SHE: variants seen among roughly 807,000 people sequenced by gnomAD.
The protein encoded by SHE is Src homology 2 domain containing E, also known as SH2 domain-containing adapter protein E.
SHE carries 11 observed loss-of-function variants against 49.8 expected under a neutral mutation model. The observed-to-expected ratio is 0.22, with a 90% CI of 0.14 to 0.37. The LOEUF (loss-of-function observed/expected upper bound fraction) is 0.37. Among genes scored for constraint, SHE ranks in the 10% least tolerant of loss-of-function variants. The probability of loss-of-function intolerance (pLI) is 1.00; values close to 1 mark genes in which losing one functional copy is unlikely to be tolerated. For missense variants in SHE, 624 were observed against 655.5 expected (o/e 0.95, Z 0.52); for synonymous variants, 310 against 278.1 (o/e 1.11, Z -1.14).
intron 1 of SHE, among the ~76,000 whole-genome samples, chr1:154,500,236 C>T (rs1692663727): frequency 6.6e-6 from 1 of 152,178 alleles, no homozygotes; most frequent in East Asian, 1.9e-4. Context: ...TTCTTGACTA[C>T]CCACCATGTG....
chr1:154,494,374 GTTTTTTTTTT>G (rs779645667), intron 2 of SHE, among the ~76,000 whole-genome samples: 1 of 118,780 alleles, frequency 8.4e-6, no homozygotes, highest in Non-Finnish European at 1.7e-5. Context: ...AGACATAACA[GTTTTTTTTTT>G]TTTTTTTTTT....
At position 154,501,805 on chromosome 1, in the gene SHE, A is replaced by G. The variant is rs935436940; in HGVS notation, c.222T>C (p.Ala74=). 16 of 1,552,444 alleles carry G rather than the reference A, an allele frequency of 1.0e-5. No homozygotes were observed. Among genetic ancestry groups the G allele is most frequent in the Non-Finnish European group, 1.1e-5 (13 of 1,156,754 alleles). Residue 74 remains alanine (A), a synonymous_variant, in exon 1 of 6, where the codon GCT becomes GCC. Transcript: ENST00000304760. ...KLRKNSEAGG[A]GPGPGKGRKN... ...TGCGGCCCTTGCCAGGACCCGGCCC[A>G]GCGCCGCCCGCCTCCGAGTTCTTGC... is the stretch of plus-strand genomic sequence containing the variant.
chr1:154,470,191 G>C (rs1305496567), exon 2 of SHE: 4 of 580,688 alleles, frequency 6.9e-6, no homozygotes, highest in Non-Finnish European at 1.1e-5. Context: ...GTGACACAGG[G>C]ACCAGATGTC....
Position 154,489,535 on chromosome 1 carries a change from C to T in SHE, c.719-179G>A, listed in dbSNP as rs377169604. ...GGTTGATTACTTCTCAGCTGTGTTACAAAAGCAAAATGAAGGTGCCTACAA... is the reference window on the plus strand; with the variant it reads ...GGTTGATTACTTCTCAGCTGTGTTATAAAAGCAAAATGAAGGTGCCTACAA... On this transcript the variant is annotated intron_variant, in intron 2 of 5. Coordinates refer to ENST00000304760, the MANE Select transcript of SHE (RefSeq NM_001010846.3). Among the ~76,000 whole-genome samples, 6 of 152,338 alleles carry T rather than the reference C, an allele frequency of 3.9e-5. No individual in the cohort carries two copies. In the East Asian group the frequency reaches 9.7e-4, roughly 25 times the overall value.
chr1:154,485,662 G>A (rs1430135541), intron 5 of SHE: 3 of 310,460 alleles, frequency 9.7e-6, no homozygotes, highest in Non-Finnish European at 1.9e-5. Flanking sequence ...CTACTGAGAG[G>A]GCCTACTCCA....
chr1:154,501,519 T>TCTC lies in SHE; in HGVS notation c.507_508insGAG (p.Ser169_Ser170insGlu). 6.2e-7 allele frequency: 1 copy of TCTC among 1,614,126 alleles called. No individual in the cohort carries two copies. The highest frequency in any genetic ancestry group is 8.5e-7 in the Non-Finnish European group (1 of 1,179,966). On this transcript the variant is annotated inframe_insertion, in exon 1 of 6. Coordinates refer to ENST00000304760, the MANE Select transcript of SHE (RefSeq NM_001010846.3). ...GAAGAGGACGCGGAGGAAGAGGAGC[T>TCTC]GGAGCTGGAGCTACTGCTGCTGGGG...
Position 154,484,348 on chromosome 1 carries a change from TC to T in SHE, c.1302-14del. On this transcript the variant is annotated splice_polypyrimidine_tract_variant and intron_variant, in intron 5 of 5. Coordinates refer to ENST00000304760, the MANE Select transcript of SHE (RefSeq NM_001010846.3). ...TCCTTGACTAGTCCTGGAATGAAAA[TC>T]AAGGAGGAGACATGAATGAGTGGGC... 6.2e-7 allele frequency: 1 copy of T among 1,601,750 alleles called. No homozygotes were observed. The highest frequency in any genetic ancestry group is 1.1e-5 in the South Asian group (1 of 90,538).
At position 154,480,901 on chromosome 1, in the gene SHE, T is replaced by G. The variant is rs879225505; in HGVS notation, c.*3248A>C. 1 of 985,382 alleles carries G rather than the reference T, an allele frequency of 1.0e-6. No individual in the cohort carries two copies. Among genetic ancestry groups the G allele is most frequent in the South Asian group, 4.7e-5 (1 of 21,284 alleles). 61.0% of individuals were successfully genotyped at this position (985,382 alleles called of 1,614,324 possible). On this transcript the variant is annotated 3_prime_UTR_variant, in exon 6 of 6. Transcript: ENST00000304760. Reference sequence around the variant, plus strand: ...CTAACCAACTGAACTTGTCCAGTCATCGCAAGCAAGTATTTTTTTTAAAGA... The same window carrying G: ...CTAACCAACTGAACTTGTCCAGTCAGCGCAAGCAAGTATTTTTTTTAAAGA...
In SHE at chr1:154,480,758, A is replaced by G. The variant is rs1055960808; in HGVS notation, c.*3391T>C. On this transcript the variant is annotated 3_prime_UTR_variant, in exon 6 of 6. Transcript: ENST00000304760. ...GTATACATATTAACACTTCTCCATT[A>G]TTTTATTCCTAGCTTAAATACACAC... The G allele has an allele frequency of 2.0e-6, 2 of 985,268 alleles. No individual in the cohort carries two copies. Among genetic ancestry groups the G allele is most frequent in the African/African-American group, 3.5e-5 (2 of 57,234 alleles). The allele number at this position is 985,268 out of a possible 1,614,324, so 61.0% of individuals were successfully genotyped here. A position where few individuals can be genotyped will look rare whatever the true frequency, so the allele number is the denominator to read the frequency against.
At chr1:154,496,254 A>C (rs1692527045) in intron 2 of SHE, among the ~76,000 whole-genome samples, 1 of 152,220 alleles carries the variant, frequency 6.6e-6, no homozygotes, top group African/African-American at 2.4e-5. Flanking sequence ...AGTTAAGACC[A>C]AAGTATACTT....
Position 154,489,115 on chromosome 1 carries a change from C to CCT in SHE, c.958_959dup (p.Pro321GlyfsTer38). ...ATGGCTGCTCGTACTCTGCCGCGGGCCTCTCGTCGTTCTCGGGCAGCCGGC... is the reference window on the plus strand; with the variant it reads ...ATGGCTGCTCGTACTCTGCCGCGGGCCTCTCTCGTCGTTCTCGGGCAGCCGGC... On this transcript the variant is annotated frameshift_variant, in exon 3 of 6. Coordinates refer to ENST00000304760, the MANE Select transcript of SHE (RefSeq NM_001010846.3). LOFTEE classifies it high-confidence loss of function. The CCT allele has an allele frequency of 6.2e-7, 1 of 1,613,362 alleles. No homozygotes were observed. Among genetic ancestry groups the CCT allele is most frequent in the Non-Finnish European group, 8.5e-7 (1 of 1,179,570 alleles).
Position 154,499,140 on chromosome 1 carries a change from T to C in SHE, c.690A>G (p.Glu230=), listed in dbSNP as rs1340644139. The change falls in exon 2 of 6, where the codon GAA becomes GAG. Residue 230 remains glutamate, a synonymous_variant. Coordinates refer to ENST00000304760, the MANE Select transcript of SHE (RefSeq NM_001010846.3). ...TTATCATTTGCTGTGCATCATATGG[T>C]TCCATGTAACCGTCGTTCTCTCCGA... is the stretch of plus-strand genomic sequence containing the variant. ...ERVGENDGYM[E]PYDAQQMITE... is the part of the protein sequence containing the mutation. 1.2e-6 allele frequency: 2 copies of C among 1,614,058 alleles called. No homozygotes were observed. Among genetic ancestry groups the C allele is most frequent in the Non-Finnish European group, 1.7e-6 (2 of 1,180,034 alleles).
chr1:154,479,738 G>A lies in SHE; in HGVS notation c.*4411C>T, dbSNP rs1571040244. ...TGAACGGCTAAGAACTTGACAAAAT[G>A]AGACGCCTGTTTCAATGATTCTGTT... On this transcript the variant is annotated 3_prime_UTR_variant, in exon 6 of 6. Transcript: ENST00000304760. The A allele has an allele frequency of 2.0e-6, 2 of 985,360 alleles. No homozygotes were observed. Among genetic ancestry groups the A allele is most frequent in the Non-Finnish European group, 2.4e-6 (2 of 829,900 alleles). The allele number at this position is 985,360 out of a possible 1,614,324, so 61.0% of individuals were successfully genotyped here.
rs1692024817 is a variant in SHE at position 154,481,799 on chromosome 1, A to T, written c.*2350T>A. ...CTAAAGATATAGTAAATGAACCAAT[A>T]CACACTGAAAACATTCTATCAGTAT... On this transcript the variant is annotated 3_prime_UTR_variant, in exon 6 of 6. Coordinates refer to ENST00000304760, the MANE Select transcript of SHE (RefSeq NM_001010846.3). The T allele has an allele frequency of 1.0e-6, 1 of 974,824 alleles. No individual in the cohort carries two copies. The highest frequency in any genetic ancestry group is 1.8e-5 in the African/African-American group (1 of 57,004). 60.4% of individuals were successfully genotyped at this position (974,824 alleles called of 1,614,324 possible). A position where few individuals can be genotyped will look rare whatever the true frequency, so the allele number is the denominator to read the frequency against.
chr1:154,499,929 A>G (rs1455074100), intron 1 of SHE, among the ~76,000 whole-genome samples: 1 of 152,216 alleles, frequency 6.6e-6, no homozygotes, highest in Non-Finnish European at 1.5e-5. Context: ...TTCCAAAAAT[A>G]GAAGGCACCT....
At chr1:154,477,432 C>T (rs1301860410), downstream of SHE, among the ~76,000 whole-genome samples, 1 of 152,160 alleles carries the variant, frequency 6.6e-6, no homozygotes, top group Non-Finnish European at 1.5e-5. Flanking sequence ...TCTCGAACTC[C>T]TTCGCTCAAG....
At position 154,479,740 on chromosome 1, in the gene SHE, G is replaced by A; in HGVS notation, c.*4409C>T. 1.0e-6 allele frequency: 1 copy of A among 985,392 alleles called. No individual in the cohort carries two copies. 61.0% of individuals were successfully genotyped at this position (985,392 alleles called of 1,614,324 possible). A position where few individuals can be genotyped will look rare whatever the true frequency, so the allele number is the denominator to read the frequency against. On this transcript the variant is annotated 3_prime_UTR_variant, in exon 6 of 6. Coordinates refer to ENST00000304760, the MANE Select transcript of SHE (RefSeq NM_001010846.3). The stretch of plus-strand genomic sequence containing the variant: ...AACGGCTAAGAACTTGACAAAATGA[G>A]ACGCCTGTTTCAATGATTCTGTTGC...
Position 154,482,565 on chromosome 1 carries a change from A to G in SHE, c.*1584T>C. ...GGTTAACTTTTCATTGATGACAGTC[A>G]GTACATTTGCATATGGGGCAGTTTT... On this transcript the variant is annotated 3_prime_UTR_variant, in exon 6 of 6. Coordinates refer to ENST00000304760, the MANE Select transcript of SHE (RefSeq NM_001010846.3). 1.0e-6 allele frequency: 1 copy of G among 985,478 alleles called. No homozygotes were observed. The highest frequency in any genetic ancestry group is 1.1e-4 in the East Asian group (1 of 8,820). The allele number at this position is 985,478 out of a possible 1,614,324, so 61.0% of individuals were successfully genotyped here.
chr1:154,499,024 C>G, intron 2 of SHE, 88 bp downstream of exon 2: 1 of 1,488,856 alleles, frequency 6.7e-7, no homozygotes, highest in Non-Finnish European at 9.0e-7. Context: ...TGCTTTATCC[C>G]TCTTCCCCAA....
Sources: allele counts gnomAD v4.1 joint callset (sites outside exome capture counted in the v4.1 genomes callset), GRCh38; gene constraint gnomAD v4.1.1; transcripts MANE v1.5; gene names NCBI Gene and HGNC (gene_info 2026-07-23, HGNC 2026-07-21).